The following COL25A1 variants were observed in gnomAD, a reference collection of about 807,000 sequenced individuals.
COL25A1 encodes the protein collagen alpha-1(XXV) chain.
In COL25A1, 103 loss-of-function variants were observed where a neutral mutation model predicts 128.4. The observed-to-expected ratio is 0.80, with a 90% CI of 0.68 to 0.94. The LOEUF is 0.94. Ranked by LOEUF, COL25A1 falls within the 40% of genes least tolerant of loss-of-function variation. COL25A1 has a pLI of 0.00. For synonymous variants in COL25A1, 279 were observed against 277.2 expected (o/e 1.01, Z -0.06); for missense variants, 745 against 840.0 (o/e 0.89, Z 1.40).
intron 3 of COL25A1, among the ~76,000 whole-genome samples, chr4:109,151,085 G>A (rs1284396302): frequency 6.6e-6 from 1 of 152,076 alleles, no homozygotes; most frequent in Non-Finnish European, 1.5e-5. Context: ...TTCTAAAAAT[G>A]CCACAGATAT....
chr4:108,983,719 C>A (rs1753297243), intron 6 of COL25A1, among the ~76,000 whole-genome samples: 1 of 152,028 alleles, frequency 6.6e-6, no homozygotes, highest in South Asian at 2.1e-4. Flanking sequence ...CGGACCTTCG[C>A]AGTGAGTGTT....
chr4:109,243,022 T>A (rs929271877), intron 3 of COL25A1, among the ~76,000 whole-genome samples: 1 of 152,112 alleles, frequency 6.6e-6, no homozygotes, highest in Non-Finnish European at 1.5e-5. Context: ...ATCCTACATA[T>A]CTGCAACTTT....
Position 108,952,020 on chromosome 4 carries a change from G to C in COL25A1, c.493-10583C>G, listed in dbSNP as rs372507829. ...CAAAGAGCTCTTTAGCAGAACTAAA[G>C]ATTATAGAAAGAGTGGTAAGTTTTG... On this transcript the variant is annotated intron_variant, in intron 8 of 37. Transcript: ENST00000399132. 3.2e-4 allele frequency among the ~76,000 whole-genome samples: 48 copies of C among 152,290 alleles called. No individual in the cohort carries two copies. In the South Asian group the frequency reaches 9.9e-3, roughly 32 times the overall value.
intron 23 of COL25A1, among the ~76,000 whole-genome samples, 180 bp from the exon 24 acceptor site, chr4:108,859,913 G>T (rs1364498327): frequency 1.3e-5 from 2 of 152,104 alleles, no homozygotes; most frequent in African/African-American, 4.8e-5. Flanking sequence ...CTCAAAGGAG[G>T]CAAACCACTT....
At chr4:109,056,028 C>T (rs780628391) in intron 3 of COL25A1, among the ~76,000 whole-genome samples, 23 of 152,002 alleles carry the variant, frequency 1.5e-4, no homozygotes, top group Non-Finnish European at 2.6e-4. Flanking sequence ...AGTTTATAAA[C>T]GAAAGTTAAT....
At chr4:109,168,067 T>G (rs1393435234) in intron 3 of COL25A1, among the ~76,000 whole-genome samples, 2 of 152,190 alleles carry the variant, frequency 1.3e-5, no homozygotes, top group East Asian at 3.9e-4. Context: ...AATGATGAAC[T>G]AAGACTTGAG....
chr4:109,171,970 CTAAT>C, intron 3 of COL25A1, among the ~76,000 whole-genome samples: 1 of 152,098 alleles, frequency 6.6e-6, no homozygotes, highest in Non-Finnish European at 1.5e-5. Flanking sequence ...GGAATAAGGC[CTAAT>C]GAGAAAATTT....
chr4:109,249,231 C>T (rs1780487049), intron 3 of COL25A1, among the ~76,000 whole-genome samples: 2 of 152,190 alleles, frequency 1.3e-5, no homozygotes, highest in Admixed American at 6.5e-5. Context: ...TGTTATAGAA[C>T]ATGATGAACA....
chr4:108,820,151 G>T (rs1731635561), intron 35 of COL25A1, among the ~76,000 whole-genome samples: 1 of 152,188 alleles, frequency 6.6e-6, no homozygotes, highest in South Asian at 2.1e-4. Flanking sequence ...CATCAGAAGT[G>T]CTAACTTAGA....
intron 3 of COL25A1, among the ~76,000 whole-genome samples, chr4:109,132,461 T>A (rs2126070640): frequency 6.6e-6 from 1 of 152,302 alleles, no homozygotes; most frequent in African/African-American, 2.4e-5. Flanking sequence ...TTCACTTTAA[T>A]CCTGACAATA....
intron 3 of COL25A1, among the ~76,000 whole-genome samples, chr4:109,246,046 CATAA>C (rs1212664857): frequency 1.6e-5 from 2 of 127,650 alleles, no homozygotes; most frequent in African/African-American, 3.3e-5. Flanking sequence ...ATTTAAAAAA[CATAA>C]ACAATACACA....
intron 11 of COL25A1, among the ~76,000 whole-genome samples, chr4:108,933,546 G>A (rs980953781): frequency 1.3e-5 from 2 of 152,070 alleles, no homozygotes; most frequent in African/African-American, 4.8e-5. Flanking sequence ...AATTTAATTG[G>A]TAGCTATTAT....
chr4:108,949,668 G>A (rs1749173873), intron 8 of COL25A1, among the ~76,000 whole-genome samples: 1 of 151,970 alleles, frequency 6.6e-6, no homozygotes, highest in East Asian at 1.9e-4. Flanking sequence ...CAAGTAGCTG[G>A]AACTAAAGGC....
At chr4:109,218,359 T>TTTTTTTTTTTTTG (rs1778177673) in intron 3 of COL25A1, among the ~76,000 whole-genome samples, 1 of 112,232 alleles carries the variant, frequency 8.9e-6, no homozygotes. Context: ...TTTTTGGGGT[T>TTTTTTTTTTTTTG]TTTTTTTTTT....
At chr4:109,224,535 C>G (rs1778652583) in intron 3 of COL25A1, among the ~76,000 whole-genome samples, 1 of 151,948 alleles carries the variant, frequency 6.6e-6, no homozygotes, top group Non-Finnish European at 1.5e-5. Flanking sequence ...AAAAAAAAAT[C>G]AAATCCATTT....
At chr4:109,256,378 C>A (rs1781088422) in intron 3 of COL25A1, among the ~76,000 whole-genome samples, 2 of 152,022 alleles carry the variant, frequency 1.3e-5, no homozygotes, top group South Asian at 4.1e-4. Flanking sequence ...AAACCAGGTA[C>A]ATGTCCTTCA....
intron 3 of COL25A1, among the ~76,000 whole-genome samples, chr4:109,227,822 G>C (rs1161935112): frequency 6.6e-6 from 1 of 152,168 alleles, no homozygotes; most frequent in Non-Finnish European, 1.5e-5. Flanking sequence ...GGATTTATTA[G>C]GGGAATTGAT....
Position 109,013,347 on chromosome 4 carries a change from A to G in COL25A1, c.421-2972T>C, listed in dbSNP as rs909072553. 1.6e-4 allele frequency among the ~76,000 whole-genome samples: 8 copies of G among 50,324 alleles called. No individual in the cohort carries two copies. The African/African-American group carries it at 2.0e-3, about 12-fold the overall frequency. 33.0% of individuals were successfully genotyped at this position (50,324 alleles called of 152,430 possible). On this transcript the variant is annotated intron_variant, in intron 5 of 37. Transcript: ENST00000399132. The stretch of plus-strand genomic sequence containing the variant: ...TTTCTAGCTCAGGGATTGTAAACGC[A>G]CCAATCAGCACCCTGTCAAAAATGG...
At chr4:108,860,174 T>C (rs902177464) in intron 23 of COL25A1, among the ~76,000 whole-genome samples, 17 of 152,252 alleles carry the variant, frequency 1.1e-4, no homozygotes, top group Admixed American at 3.9e-4. Flanking sequence ...TGCAGTAGCG[T>C]GATCTCGGCT....
Sources: allele counts gnomAD v4.1 joint callset (sites outside exome capture counted in the v4.1 genomes callset), GRCh38; gene constraint gnomAD v4.1.1; transcripts MANE v1.5; gene names NCBI Gene and HGNC (gene_info 2026-07-23, HGNC 2026-07-21).